Variants in SOBP observed in about 807,000 individuals in gnomAD.
SOBP encodes the protein sine oculis-binding protein homolog.
A neutral mutation model predicts 53.6 loss-of-function variants in SOBP; 4 were observed. The ratio of observed to expected loss-of-function variants is 0.07; its 90% confidence interval spans 0.04 to 0.17. The LOEUF (loss-of-function observed/expected upper bound fraction) is 0.17, where lower values mean the gene tolerates loss of function less well. Ranked by LOEUF, SOBP falls within the 10% of genes least tolerant of loss-of-function variation. SOBP has a pLI of 1.00. For missense variants in SOBP, 1,088 were observed against 1,204.7 expected, an observed-to-expected ratio of 0.90 and a Z score of 1.43; for synonymous variants, 584 against 522.6, an observed-to-expected ratio of 1.12 and a Z score of -1.60.
chr6:107,496,773 G>A (rs532487243), intron 1 of SOBP, among the ~76,000 whole-genome samples: 2 of 152,182 alleles, frequency 1.3e-5, no homozygotes, highest in Non-Finnish European at 2.9e-5. Context: ...CATCTGTGGG[G>A]GTGGCTCATC....
At chr6:107,641,081 A>C (rs369988259) in intron 6 of SOBP, among the ~76,000 whole-genome samples, 1 of 152,238 alleles carries the variant, frequency 6.6e-6, no homozygotes, top group Admixed American at 6.5e-5. Context: ...AGTATGCTCT[A>C]TATCTCTGAA....
At chr6:107,640,195 G>A (rs1054822157) in intron 6 of SOBP, among the ~76,000 whole-genome samples, 2 of 152,226 alleles carry the variant, frequency 1.3e-5, no homozygotes, top group African/African-American at 4.8e-5. Flanking sequence ...AAACTGAGAA[G>A]TTCAAGAGAG....
At chr6:107,638,292 C>T (rs1306025343) in intron 6 of SOBP, among the ~76,000 whole-genome samples, 1 of 152,202 alleles carries the variant, frequency 6.6e-6, no homozygotes, top group Admixed American at 6.5e-5. Context: ...CTCACTGCAA[C>T]CTCGGCTGCC....
At chr6:107,587,353 A>G in intron 5 of SOBP, 178 bp downstream of exon 5, 1 of 632,776 alleles carries the variant, frequency 1.6e-6, no homozygotes, top group Non-Finnish European at 2.8e-6. Context: ...AATTGTTTGC[A>G]AATCTTTTAT....
chr6:107,553,094 G>A (rs186530594), intron 4 of SOBP, among the ~76,000 whole-genome samples: 12 of 151,876 alleles, frequency 7.9e-5, no homozygotes, highest in Admixed American at 6.6e-4. Flanking sequence ...AAAACCTATT[G>A]AAATAAATAA....
intron 6 of SOBP, among the ~76,000 whole-genome samples, chr6:107,656,299 G>C (rs192106801): frequency 1.2e-4 from 2 of 16,816 alleles, no homozygotes; most frequent in East Asian, 4.0e-3. Flanking sequence ...AAGAAAGAAA[G>C]AAAGAAAGAA....
chr6:107,556,767 T>C (rs1035910540), intron 4 of SOBP, among the ~76,000 whole-genome samples: 1 of 152,124 alleles, frequency 6.6e-6, no homozygotes, highest in African/African-American at 2.4e-5. Context: ...CTGTAGACAT[T>C]GGGCCAGTCT....
At chr6:107,616,559 C>A (rs1786798112) in intron 5 of SOBP, among the ~76,000 whole-genome samples, 1 of 152,160 alleles carries the variant, frequency 6.6e-6, no homozygotes, top group African/African-American at 2.4e-5. Context: ...TTGAATCTTA[C>A]ATCTTTTTGT....
At chr6:107,642,545 T>C (rs1466465340) in intron 6 of SOBP, among the ~76,000 whole-genome samples, 1 of 152,228 alleles carries the variant, frequency 6.6e-6, no homozygotes, top group Non-Finnish European at 1.5e-5. Flanking sequence ...TACTGTGTGG[T>C]CCAGATGTAC....
intron 4 of SOBP, among the ~76,000 whole-genome samples, chr6:107,570,119 A>T (rs1231079376): frequency 6.6e-6 from 1 of 152,206 alleles, no homozygotes; most frequent in East Asian, 1.9e-4. Context: ...CCACTGGGTG[A>T]GAGCAAGTTG....
rs147899249 is a variant in SOBP, at chr6:107,523,624, GGTGGCCCCAC to G, written c.422-9828_422-9819del. On this transcript the variant is annotated intron_variant, in intron 3 of 6. Coordinates refer to ENST00000317357, the MANE Select transcript of SOBP (RefSeq NM_018013.4). ...GCCTGTCAATTTGCCTCCCCTAGGA[GGTGGCCCCAC>G]GTGGCCTGCTGCTTGGCAGGACTGG... 2.4e-3 allele frequency among the ~76,000 whole-genome samples: 361 copies of G among 152,330 alleles called. 2 individuals are homozygous for G. Among genetic ancestry groups the G allele is most frequent in the African/African-American group, 8.1e-3 (338 of 41,582 alleles).
rs905254912 is a variant in SOBP at position 107,634,464 on chromosome 6, C to A, written c.1620C>A (p.Pro540=). The A allele has an allele frequency of 6.2e-7, 1 of 1,611,102 alleles. No homozygotes were observed. Among genetic ancestry groups the A allele is most frequent in the African/African-American group, 1.3e-5 (1 of 75,052 alleles). Residue 540 remains proline, a synonymous_variant, in exon 6 of 7, where the codon CCC becomes CCA. Transcript: ENST00000317357. The surrounding 1 kb of genome is among the most constrained non-coding windows in gnomAD (Gnocchi z 4.5). ...CCCTACCGGTGCCCATCCCCATCCC[C>A]ATCCCTATCCCTCACGTCAGCGACT... ...IVPLPVPIPI[P]IPIPHVSDSK... is the part of the protein sequence containing the mutation.
intron 5 of SOBP, among the ~76,000 whole-genome samples, chr6:107,595,767 T>C (rs1049276904): frequency 3.9e-5 from 6 of 151,926 alleles, no homozygotes; most frequent in African/African-American, 1.5e-4. Flanking sequence ...ATAAAAAATA[T>C]TTGAAGTGGA....
At chr6:107,519,318 C>T (rs1783414466) in intron 3 of SOBP, among the ~76,000 whole-genome samples, 2 of 150,258 alleles carry the variant, frequency 1.3e-5, no homozygotes, top group Non-Finnish European at 3.0e-5. Context: ...ATGCACAGGA[C>T]AGCCCAAACC....
rs763304668 is a variant in SOBP, at chr6:107,506,225, A to AT, written c.236-10dup. 3 of 1,611,238 alleles carry AT rather than the reference A, an allele frequency of 1.9e-6. No homozygotes were observed. The highest frequency in any genetic ancestry group is 1.7e-5 in the Admixed American group (1 of 60,016). Reference sequence around the variant, plus strand: ...ACATTCCTTGGTCACATTGAATATGATTTTTTTCTTTTACAGAAAATTCTT... The same window carrying AT: ...ACATTCCTTGGTCACATTGAATATGATTTTTTTTCTTTTACAGAAAATTCTT... On this transcript the variant is annotated splice_polypyrimidine_tract_variant and intron_variant, in intron 2 of 6. Transcript: ENST00000317357.
At chr6:107,502,812 G>T (rs1782878240) in intron 1 of SOBP, among the ~76,000 whole-genome samples, 1 of 152,024 alleles carries the variant, frequency 6.6e-6, no homozygotes. Flanking sequence ...CCAGGCTGGA[G>T]TGCAGTGGTG....
chr6:107,499,015 T>G (rs1276320791), intron 1 of SOBP, among the ~76,000 whole-genome samples: 1 of 152,122 alleles, frequency 6.6e-6, no homozygotes, highest in African/African-American at 2.4e-5. Flanking sequence ...AAACTAGAGG[T>G]CAATGATCAA....
chr6:107,578,948 C>G (rs566565245), intron 4 of SOBP, among the ~76,000 whole-genome samples: 1 of 152,138 alleles, frequency 6.6e-6, no homozygotes, highest in Non-Finnish European at 1.5e-5. Context: ...TGCATATAAT[C>G]ATATGAGCCC....
chr6:107,544,310 A>G (rs1784233969), intron 4 of SOBP, among the ~76,000 whole-genome samples: 1 of 152,228 alleles, frequency 6.6e-6, no homozygotes, highest in Non-Finnish European at 1.5e-5. Flanking sequence ...AGCTTTCACC[A>G]TTATTAATTA....
Sources: allele counts gnomAD v4.1 joint callset (sites outside exome capture counted in the v4.1 genomes callset), GRCh38; gene constraint gnomAD v4.1.1; non-coding constraint Gnocchi (gnomAD v3.1); transcripts MANE v1.5; gene names NCBI Gene and HGNC (gene_info 2026-07-23, HGNC 2026-07-21).